Variants in GRID2 observed in about 807,000 individuals in gnomAD.
The protein encoded by GRID2 is glutamate ionotropic receptor delta type subunit 2.
GRID2 carries 33 observed loss-of-function variants against 114.8 expected under a neutral mutation model. The observed-to-expected ratio is 0.29, with a 90% CI of 0.22 to 0.38. The LOEUF (loss-of-function observed/expected upper bound fraction) is 0.38, where lower values mean the gene tolerates loss of function less well. GRID2 is among the 10% of genes least tolerant of loss of function. The pLI is 1.00. For synonymous variants in GRID2, 505 were observed against 449.9 expected (o/e 1.12, Z -1.55); for missense variants, 1,184 against 1,257.7 (o/e 0.94, Z 0.89).
chr4:92,880,804 C>T (rs1745948732), intron 2 of GRID2, among the ~76,000 whole-genome samples: 1 of 152,172 alleles, frequency 6.6e-6, no homozygotes, highest in South Asian at 2.1e-4. Flanking sequence ...TGGCTACAAC[C>T]TCTGCCTCCC....
intron 4 of GRID2, among the ~76,000 whole-genome samples, chr4:93,132,039 A>G (rs1734852824): frequency 6.6e-6 from 1 of 152,222 alleles, no homozygotes; most frequent in Non-Finnish European, 1.5e-5. Context: ...AAAATGGACT[A>G]TAAACAATTA....
At chr4:93,178,058 G>C (rs1467408365) in intron 4 of GRID2, among the ~76,000 whole-genome samples, 1 of 144,622 alleles carries the variant, frequency 6.9e-6, no homozygotes, top group South Asian at 2.1e-4. Flanking sequence ...CTATCGTATG[G>C]TTTTACTCAA....
At chr4:93,175,260 T>C (rs1739245244) in intron 4 of GRID2, among the ~76,000 whole-genome samples, 1 of 152,132 alleles carries the variant, frequency 6.6e-6, no homozygotes, top group Non-Finnish European at 1.5e-5. Context: ...AACCTCTGCC[T>C]CTTGAGTTCA....
Position 92,515,199 on chromosome 4 carries a change from A to G in GRID2, c.89-74932A>G, listed in dbSNP as rs571012471. ...GATTCCACTATGAGAATGAGGAAAA[A>G]TTGCTAAGCTATATTAAAATTCTGT... On this transcript the variant is annotated intron_variant, in intron 1 of 15. Transcript: ENST00000282020. 1.3e-4 allele frequency among the ~76,000 whole-genome samples: 19 copies of G among 151,986 alleles called. No homozygotes were observed. The South Asian group carries it at 3.9e-3, about 31-fold the overall frequency.
chr4:93,552,406 G>T (rs1184983270), intron 13 of GRID2, among the ~76,000 whole-genome samples: 1 of 152,012 alleles, frequency 6.6e-6, no homozygotes, highest in African/African-American at 2.4e-5. Context: ...GTAATGGGAT[G>T]GCTGGGTCAA....
chr4:92,845,627 T>C (rs1743253777), intron 2 of GRID2, among the ~76,000 whole-genome samples: 1 of 152,082 alleles, frequency 6.6e-6, no homozygotes, highest in Non-Finnish European at 1.5e-5. Flanking sequence ...TTACACTCCC[T>C]ACGAGTCCAA....
intron 2 of GRID2, among the ~76,000 whole-genome samples, chr4:92,809,988 T>C (rs1368393750): frequency 6.6e-6 from 1 of 152,052 alleles, no homozygotes; most frequent in African/African-American, 2.4e-5. Context: ...ATATAGTATT[T>C]CATCTGATAG....
At chr4:92,588,248 G>T (rs1035330875) in intron 1 of GRID2, among the ~76,000 whole-genome samples, 1 of 151,914 alleles carries the variant, frequency 6.6e-6, no homozygotes, top group East Asian at 1.9e-4. Flanking sequence ...AGATTAAAAA[G>T]CATTATCTGG....
chr4:93,214,108 T>C (rs1433803382), intron 5 of GRID2, among the ~76,000 whole-genome samples: 1 of 152,060 alleles, frequency 6.6e-6, no homozygotes, highest in Non-Finnish European at 1.5e-5. Flanking sequence ...TTTAAATTAC[T>C]TAGAGCTCAG....
chr4:93,363,784 C>G (rs1560541204), intron 8 of GRID2, among the ~76,000 whole-genome samples: 1 of 151,864 alleles, frequency 6.6e-6, no homozygotes, highest in East Asian at 1.9e-4. Flanking sequence ...CCCTTTACTT[C>G]CTCTTCATAT....
At chr4:93,212,659 T>C (rs1285806757) in intron 5 of GRID2, among the ~76,000 whole-genome samples, 1 of 152,104 alleles carries the variant, frequency 6.6e-6, no homozygotes, top group Non-Finnish European at 1.5e-5. Flanking sequence ...ACCTTTGTTG[T>C]CTTGATTGAC....
intron 14 of GRID2, among the ~76,000 whole-genome samples, chr4:93,718,743 G>C (rs921450504): frequency 6.6e-6 from 1 of 152,088 alleles, no homozygotes; most frequent in Non-Finnish European, 1.5e-5. Flanking sequence ...AGGAATCAAT[G>C]CAGTACAGAG....
At position 93,466,907 on chromosome 4, in the gene GRID2, C is replaced by A. The variant is rs1490414595; in HGVS notation, c.1858+10933C>A. ...ATGTTAAATATAGATTGAAAGAAAG[C>A]CTTTAAGCTTAACAGAATTACTGAA... On this transcript the variant is annotated intron_variant, in intron 11 of 15. Transcript: ENST00000282020. Among the ~76,000 whole-genome samples, 3 of 152,132 alleles carry A rather than the reference C, an allele frequency of 2.0e-5. No individual in the cohort carries two copies. In the South Asian group the frequency reaches 6.2e-4, roughly 32 times the overall value.
At chr4:92,910,201 G>GA (rs1346461035) in intron 2 of GRID2, among the ~76,000 whole-genome samples, 2 of 150,694 alleles carry the variant, frequency 1.3e-5, no homozygotes, top group East Asian at 2.0e-4. Context: ...GGAGTGGTTT[G>GA]AAAAAAATAA....
chr4:93,655,796 T>C, intron 14 of GRID2, among the ~76,000 whole-genome samples: 1 of 152,082 alleles, frequency 6.6e-6, no homozygotes, highest in East Asian at 1.9e-4. Flanking sequence ...TTAATGGCTT[T>C]TTGATGCATA....
chr4:92,440,380 T>TCAGA (rs1732981387), intron 1 of GRID2, among the ~76,000 whole-genome samples: 1 of 149,570 alleles, frequency 6.7e-6, no homozygotes, highest in Admixed American at 6.7e-5. Context: ...GGTGGCCTTC[T>TCAGA]CAGACCCTGT....
intron 13 of GRID2, among the ~76,000 whole-genome samples, chr4:93,597,533 C>G (rs1739227385): frequency 6.6e-6 from 1 of 152,146 alleles, no homozygotes. Flanking sequence ...TTTTAATGCT[C>G]TCCTGCTCAT....
intron 4 of GRID2, among the ~76,000 whole-genome samples, chr4:93,131,130 T>A (rs753820902): frequency 8.1e-4 from 121 of 149,350 alleles, no homozygotes; most frequent in Non-Finnish European, 1.6e-3. Flanking sequence ...AGAACTTCCA[T>A]GAAAAGATTA....
intron 4 of GRID2, among the ~76,000 whole-genome samples, chr4:93,126,980 G>A (rs4286490): frequency 0.4 from 60,033 of 151,834 alleles, 12,227 homozygotes; most frequent in Admixed American, 0.55. Flanking sequence ...ACTAATAATA[G>A]CTAGCTAGCA....
Sources: gnomAD v4.1 joint callset for allele counts (sites outside exome capture counted in the v4.1 genomes callset) on GRCh38, gnomAD v4.1.1 for gene constraint, MANE v1.5 for transcripts, NCBI Gene and HGNC (gene_info 2026-07-23, HGNC 2026-07-21) for gene names.